Variants in PLD1 observed in about 807,000 individuals in gnomAD.
PLD1 encodes the protein phospholipase D1, also known as choline phosphatase 1.
PLD1 carries 112 observed loss-of-function variants against 137.1 expected under a neutral mutation model. The ratio of observed to expected loss-of-function variants is 0.82; its 90% CI spans 0.70 to 0.96. The LOEUF (loss-of-function observed/expected upper bound fraction) is 0.96. PLD1 is among the 40% of genes least tolerant of loss of function. The probability of loss-of-function intolerance (pLI) is 0.00; values close to 1 mark genes in which losing one functional copy is unlikely to be tolerated. For missense variants in PLD1, 1,321 were observed against 1,342.0 expected (o/e 0.98, Z 0.24); for synonymous variants, 431 against 454.7 (o/e 0.95, Z 0.66).
chr3:171,644,965 C>A lies in PLD1; in HGVS notation c.2488G>T (p.Asp830Tyr), dbSNP rs1359129927. 6.2e-7 allele frequency: 1 copy of A among 1,614,062 alleles called. No homozygotes were observed. The highest frequency in any genetic ancestry group is 8.5e-7 in the Non-Finnish European group (1 of 1,179,948). Residue 830 changes from aspartate (D) to tyrosine (Y), a missense_variant, in exon 22 of 27, where the codon GAC becomes TAC. Transcript: ENST00000351298. The stretch of plus-strand genomic sequence containing the variant: ...GCATTTCCTCCGCCGGTTGAAATGT[C>A]TCCTTCGAACCCTGGCAGAAGTGGT... ...VIPLLPGFEG[D>Y]ISTGGGNALQ...
At chr3:171,717,635 G>A (rs1463703096) in intron 8 of PLD1, among the ~76,000 whole-genome samples, 1 of 152,200 alleles carries the variant, frequency 6.6e-6, no homozygotes, top group African/African-American at 2.4e-5. Context: ...GGCAAAGACT[G>A]TGGAGTTTTC....
intron 1 of PLD1, among the ~76,000 whole-genome samples, chr3:171,757,121 A>T (rs1367752240): frequency 1.3e-5 from 2 of 152,232 alleles, no homozygotes; most frequent in East Asian, 3.8e-4. Context: ...GGGAAAAGAC[A>T]TTGTCAAAAC....
chr3:171,705,186 G>C (rs1255632986), intron 11 of PLD1, among the ~76,000 whole-genome samples: 1 of 152,168 alleles, frequency 6.6e-6, no homozygotes, highest in Non-Finnish European at 1.5e-5. Flanking sequence ...TACTATTTGT[G>C]TCACTGAAGA....
At chr3:171,631,729 A>T (rs1222467657) in intron 23 of PLD1, among the ~76,000 whole-genome samples, 1 of 152,142 alleles carries the variant, frequency 6.6e-6, no homozygotes, top group African/African-American at 2.4e-5. Flanking sequence ...GAACTCCAAG[A>T]TCTTAACTCA....
At position 171,692,151 on chromosome 3, in the gene PLD1, C is replaced by T. The variant is rs1560221816; in HGVS notation, c.1338+181G>A. On this transcript the variant is annotated intron_variant, in intron 13 of 26. Coordinates refer to ENST00000351298, the MANE Select transcript of PLD1 (RefSeq NM_002662.5). Reference sequence around the variant, plus strand: ...AGCAGAAATGTGAGATCTGCTTACCCCCATCAATGTAGGGAAGATAAGAAA... The same window carrying T: ...AGCAGAAATGTGAGATCTGCTTACCTCCATCAATGTAGGGAAGATAAGAAA... 6.6e-6 allele frequency among the ~76,000 whole-genome samples: 1 copy of T among 152,130 alleles called. No individual in the cohort carries two copies. The highest frequency in any genetic ancestry group is 1.9e-4 in the East Asian group (1 of 5,188).
intron 23 of PLD1, among the ~76,000 whole-genome samples, chr3:171,620,742 C>CTCTCTCTCTA (rs1473647659): frequency 3.5e-3 from 331 of 94,738 alleles, no homozygotes; most frequent in Non-Finnish European, 4.1e-3. Context: ...CTCTCTCTCT[C>CTCTCTCTCTA]TATATATATA....
Position 171,601,123 on chromosome 3 carries a change from A to G in PLD1, c.*1955T>C, listed in dbSNP as rs1731805592. On this transcript the variant is annotated 3_prime_UTR_variant, in exon 27 of 27. Coordinates refer to ENST00000351298, the MANE Select transcript of PLD1 (RefSeq NM_002662.5). ...AGAGAGGCCAACAATGGGCTGCAGCAATGTTGCTAGTCCCAGCTCTACCAT... is the reference window on the plus strand; with the variant it reads ...AGAGAGGCCAACAATGGGCTGCAGCGATGTTGCTAGTCCCAGCTCTACCAT... 1 of 151,846 alleles carries G rather than the reference A, an allele frequency of 6.6e-6. No individual in the cohort carries two copies. Among genetic ancestry groups the G allele is most frequent in the Non-Finnish European group, 1.5e-5 (1 of 67,944 alleles). 9.4% of individuals were successfully genotyped at this position (151,846 alleles called of 1,614,324 possible). A position where few individuals can be genotyped will look rare whatever the true frequency, so the allele number is the denominator to read the frequency against.
At chr3:171,661,203 C>T (rs1307942927) in intron 20 of PLD1, among the ~76,000 whole-genome samples, 1 of 152,072 alleles carries the variant, frequency 6.6e-6, no homozygotes, top group Non-Finnish European at 1.5e-5. Flanking sequence ...CAATTCTTCC[C>T]TGCTTGTCTC....
At chr3:171,683,658 C>G (rs565067719) in intron 16 of PLD1, among the ~76,000 whole-genome samples, 7 of 152,188 alleles carry the variant, frequency 4.6e-5, no homozygotes, top group Non-Finnish European at 1.0e-4. Context: ...CTCTTCCTCC[C>G]GGATCATGCT....
chr3:171,609,504 G>A lies in PLD1; in HGVS notation c.2882+2775C>T, dbSNP rs1221724495. Among the ~76,000 whole-genome samples, 2 of 104,590 alleles carry A rather than the reference G, an allele frequency of 1.9e-5. 1 individual carries two copies. Among genetic ancestry groups the A allele is most frequent in the African/African-American group, 7.4e-5 (2 of 27,192 alleles). 68.6% of individuals were successfully genotyped at this position (104,590 alleles called of 152,430 possible). Reference sequence around the variant, plus strand: ...TGTCCTGAGCAGACAATTACATAAAGAAAACACACACACACACACACACAC... The same window carrying A: ...TGTCCTGAGCAGACAATTACATAAAAAAAACACACACACACACACACACAC... On this transcript the variant is annotated intron_variant, in intron 25 of 26. Coordinates refer to ENST00000351298, the MANE Select transcript of PLD1 (RefSeq NM_002662.5).
intron 1 of PLD1, among the ~76,000 whole-genome samples, chr3:171,775,522 C>A (rs371785295): frequency 3.3e-5 from 5 of 152,086 alleles, no homozygotes; most frequent in African/African-American, 9.6e-5. Context: ...CCCCATGGCA[C>A]AAGTAAAAGT....
chr3:171,705,629 T>C (rs1716621583), intron 11 of PLD1, among the ~76,000 whole-genome samples: 2 of 152,194 alleles, frequency 1.3e-5, no homozygotes, highest in Non-Finnish European at 2.9e-5. Flanking sequence ...CATGAAACGA[T>C]GTTGCTGATA....
chr3:171,622,928 A>C (rs1733761008), intron 23 of PLD1, among the ~76,000 whole-genome samples: 1 of 151,958 alleles, frequency 6.6e-6, no homozygotes, highest in Non-Finnish European at 1.5e-5. Context: ...TCACAGACAA[A>C]GCCTCATTTA....
intron 19 of PLD1, among the ~76,000 whole-genome samples, chr3:171,665,705 GAA>G (rs56307995): frequency 7.7e-6 from 1 of 130,610 alleles, no homozygotes; most frequent in Non-Finnish European, 1.7e-5. Flanking sequence ...CGTCTCAAAA[GAA>G]AAAAAAAAAA....
At chr3:171,739,108 G>A (rs1170030084) in intron 1 of PLD1, among the ~76,000 whole-genome samples, 1 of 152,196 alleles carries the variant, frequency 6.6e-6, no homozygotes, top group African/African-American at 2.4e-5. Context: ...CCTGATATGG[G>A]TGAGGAAAAT....
intron 1 of PLD1, among the ~76,000 whole-genome samples, chr3:171,777,759 T>G (rs1340492071): frequency 6.6e-6 from 1 of 152,156 alleles, no homozygotes; most frequent in African/African-American, 2.4e-5. Flanking sequence ...CCCAAACCCA[T>G]GTCCTCTACA....
intron 1 of PLD1, among the ~76,000 whole-genome samples, chr3:171,808,340 T>G (rs1476529675): frequency 6.6e-6 from 1 of 151,812 alleles, no homozygotes; most frequent in Non-Finnish European, 1.5e-5. Context: ...ATCGAGACCA[T>G]CCTGGCTAAC....
chr3:171,675,931 C>T (rs927666290), intron 18 of PLD1, among the ~76,000 whole-genome samples: 1 of 151,742 alleles, frequency 6.6e-6, no homozygotes, highest in African/African-American at 2.4e-5. Flanking sequence ...CAAACTCCGC[C>T]TCCTGGATTC....
chr3:171,740,552 T>C (rs1247430307), intron 1 of PLD1, among the ~76,000 whole-genome samples: 1 of 152,212 alleles, frequency 6.6e-6, no homozygotes, highest in Non-Finnish European at 1.5e-5. Context: ...AAACAAAGGT[T>C]ACTCCAAATA....
Sources: gnomAD v4.1 joint callset for allele counts (sites outside exome capture counted in the v4.1 genomes callset) on GRCh38, gnomAD v4.1.1 for gene constraint, MANE v1.5 for transcripts, NCBI Gene and HGNC (gene_info 2026-07-23, HGNC 2026-07-21) for gene names.